The following NMNAT3 variants were observed in gnomAD, a reference collection of about 807,000 sequenced individuals.
The protein encoded by NMNAT3 is nicotinamide nucleotide adenylyltransferase 3.
A neutral mutation model predicts 24.8 loss-of-function variants in NMNAT3; 21 were observed. The observed-to-expected ratio is 0.85, with a 90% CI of 0.60 to 1.22. The LOEUF (loss-of-function observed/expected upper bound fraction) is 1.22. NMNAT3 is among the 50% of genes most tolerant of loss of function. NMNAT3 has a pLI of 0.00. For missense variants in NMNAT3, 387 were observed against 436.6 expected, an observed-to-expected ratio of 0.89 and a Z score of 1.01; for synonymous variants, 136 against 155.2, an observed-to-expected ratio of 0.88 and a Z score of 0.92.
intron 1 of NMNAT3, among the ~76,000 whole-genome samples, chr3:139,662,983 G>A (rs116820769): frequency 0.017 from 2,619 of 152,224 alleles, 82 homozygotes; most frequent in African/African-American, 0.06. Flanking sequence ...AGGTGTATTC[G>A]TTTCCTATTG....
intron 1 of NMNAT3, among the ~76,000 whole-genome samples, chr3:139,648,803 C>T (rs139317174): frequency 2.0e-5 from 3 of 152,206 alleles, no homozygotes; most frequent in Admixed American, 1.3e-4. Flanking sequence ...AAAAGAGTGA[C>T]GTACTTCTAC....
chr3:139,615,445 A>ATCTG (rs2055444525), intron 3 of NMNAT3, among the ~76,000 whole-genome samples: 1 of 149,558 alleles, frequency 6.7e-6, no homozygotes, highest in Non-Finnish European at 1.5e-5. Context: ...CTATCTATCT[A>ATCTG]TCTATCTATC....
At chr3:139,577,616 T>A (rs751131038) in intron 5 of NMNAT3, among the ~76,000 whole-genome samples, 2 of 152,214 alleles carry the variant, frequency 1.3e-5, no homozygotes, top group Non-Finnish European at 2.9e-5. Flanking sequence ...TTAGCCTAGA[T>A]AAATGAGAAA....
intron 3 of NMNAT3, among the ~76,000 whole-genome samples, chr3:139,623,991 A>G (rs2055927980): frequency 6.6e-6 from 1 of 152,236 alleles, no homozygotes; most frequent in Admixed American, 6.5e-5. Flanking sequence ...GTCACTGGTC[A>G]ATAGGAATTT....
intron 1 of NMNAT3, among the ~76,000 whole-genome samples, chr3:139,639,855 A>G (rs1443692227): frequency 6.6e-6 from 1 of 152,188 alleles, no homozygotes; most frequent in African/African-American, 2.4e-5. Context: ...CCCCTAGTGA[A>G]CCAGGAAATA....
At chr3:139,570,595 T>G (rs1456107588) in intron 6 of NMNAT3, 1 of 152,334 alleles carries the variant, frequency 6.6e-6, no homozygotes, top group East Asian at 1.9e-4. Flanking sequence ...TGCTGGAGTT[T>G]GCTAGAGGTC....
At chr3:139,675,052 C>T (rs1044128565) in intron 1 of NMNAT3, among the ~76,000 whole-genome samples, 1 of 151,590 alleles carries the variant, frequency 6.6e-6, no homozygotes, top group South Asian at 2.1e-4. Flanking sequence ...CACTAAGCTG[C>T]GACATACATG....
intron 1 of NMNAT3, among the ~76,000 whole-genome samples, chr3:139,671,171 C>T (rs1032577933): frequency 6.6e-6 from 1 of 152,146 alleles, no homozygotes; most frequent in African/African-American, 2.4e-5. Flanking sequence ...AAAAGGTTAT[C>T]CATAATTCCC....
intron 1 of NMNAT3, among the ~76,000 whole-genome samples, chr3:139,643,652 AT>A (rs1343425513): frequency 2.6e-5 from 4 of 152,218 alleles, no homozygotes; most frequent in African/African-American, 9.6e-5. Context: ...CTATTGAATA[AT>A]TCCACTTACA....
chr3:139,594,823 G>C (rs1227290271), intron 3 of NMNAT3, among the ~76,000 whole-genome samples: 2 of 152,124 alleles, frequency 1.3e-5, no homozygotes, highest in African/African-American at 2.4e-5. Flanking sequence ...AAAATAATAA[G>C]AGCTATCTAT....
At chr3:139,594,039 G>C (rs1243262784) in intron 3 of NMNAT3, among the ~76,000 whole-genome samples, 1 of 151,802 alleles carries the variant, frequency 6.6e-6, no homozygotes, top group East Asian at 1.9e-4. Flanking sequence ...TTTTTGAAAA[G>C]ATCAACAAAA....
At chr3:139,623,640 G>A in intron 3 of NMNAT3, among the ~76,000 whole-genome samples, 1 of 152,180 alleles carries the variant, frequency 6.6e-6, no homozygotes, top group African/African-American at 2.4e-5. Flanking sequence ...CTGGAGTGCA[G>A]TAGCTCAATC....
intron 6 of NMNAT3, chr3:139,568,877 G>GTTCAA (rs1002961391): frequency 6.6e-6 from 1 of 152,220 alleles, no homozygotes; most frequent in African/African-American, 2.4e-5. Context: ...GCAGAGCTCA[G>GTTCAA]TTCAATTCCT....
intron 3 of NMNAT3, among the ~76,000 whole-genome samples, chr3:139,585,580 G>T (rs950250426): frequency 6.6e-6 from 1 of 152,170 alleles, no homozygotes; most frequent in Non-Finnish European, 1.5e-5. Flanking sequence ...AGATCCTCCA[G>T]ATCTAAGATA....
intron 3 of NMNAT3, among the ~76,000 whole-genome samples, chr3:139,591,282 A>C (rs1459920341): frequency 6.6e-6 from 1 of 151,958 alleles, no homozygotes; most frequent in East Asian, 1.9e-4. Context: ...ACGGCGCACG[A>C]CGAGACTATA....
intron 6 of NMNAT3, chr3:139,565,729 A>T (rs1431766523): frequency 6.6e-6 from 1 of 152,166 alleles, no homozygotes; most frequent in Non-Finnish European, 1.5e-5. Context: ...TCCATGGTGT[A>T]TATGTGCCAC....
At chr3:139,586,363 C>T (rs1384795544) in intron 3 of NMNAT3, among the ~76,000 whole-genome samples, 2 of 152,116 alleles carry the variant, frequency 1.3e-5, no homozygotes, top group East Asian at 1.9e-4. Context: ...CATGTACCCT[C>T]GAACCCAAAA....
intron 1 of NMNAT3, among the ~76,000 whole-genome samples, chr3:139,672,363 AG>A (rs1278288551): frequency 2.0e-5 from 3 of 152,216 alleles, no homozygotes. Context: ...AGCTCTAAAA[AG>A]TTCCAGGTTG....
intron 3 of NMNAT3, among the ~76,000 whole-genome samples, chr3:139,588,260 A>G (rs1023135437): frequency 6.6e-6 from 1 of 152,040 alleles, no homozygotes; most frequent in Admixed American, 6.5e-5. Flanking sequence ...TGCCTTTCCC[A>G]TGACACTGAG....
Sources: gnomAD v4.1 joint callset for allele counts (sites outside exome capture counted in the v4.1 genomes callset) on GRCh38, gnomAD v4.1.1 for gene constraint, MANE v1.5 for transcripts, NCBI Gene and HGNC (gene_info 2026-07-23, HGNC 2026-07-21) for gene names.